Variants in NRL observed in about 807,000 individuals in gnomAD.
The protein encoded by NRL is neural retina-specific leucine zipper protein.
Under a neutral mutation model 12.5 loss-of-function variants are expected in NRL, and 16 were observed. The ratio of observed to expected loss-of-function variants is 1.28; its 90% CI spans 0.87 to 1.95. The LOEUF (loss-of-function observed/expected upper bound fraction) is 1.95, where lower values mean the gene tolerates loss of function less well. Ranked by LOEUF, NRL falls within the 30% of genes most tolerant of loss-of-function variation. The probability of loss-of-function intolerance (pLI) is 0.00; values close to 1 mark genes in which losing one functional copy is unlikely to be tolerated. For missense variants in NRL, 314 were observed against 325.8 expected, an observed-to-expected ratio of 0.96 and a Z score of 0.28; for synonymous variants, 142 against 150.9, an observed-to-expected ratio of 0.94 and a Z score of 0.43.
rs2036793290 is a variant in NRL, at chr14:24,094,903, T to G, written c.-27-12028A>C. The G allele has an allele frequency of 8.2e-6, 10 of 1,218,810 alleles. No homozygotes were observed. The highest frequency in any genetic ancestry group is 4.4e-4 in the Middle Eastern group (2 of 4,558). 75.5% of individuals were successfully genotyped at this position (1,218,810 alleles called of 1,614,324 possible). ...CCCCTAAAGAAGGTGGAAGGTTAAA[T>G]ATCCATTCCCGGCCTCTCCCGGACT... On this transcript the variant is annotated intron_variant, in intron 1 of 2. Transcript: ENST00000561028. The surrounding 1 kb of genome is among the most constrained non-coding windows in gnomAD (Gnocchi z 4.1).
intron 1 of NRL, among the ~76,000 whole-genome samples, chr14:24,098,875 G>A (rs1399291328): frequency 6.6e-6 from 1 of 152,232 alleles, no homozygotes; most frequent in East Asian, 1.9e-4. Flanking sequence ...AAAAATCCGT[G>A]TCCAAGAATA....
Position 24,087,582 on chromosome 14 carries a change from A to G in NRL, c.-27-4707T>C, listed in dbSNP as rs540115246. Among the ~76,000 whole-genome samples the G allele has an allele frequency of 2.0e-5, 3 of 152,316 alleles. 1 individual carries two copies. The highest frequency in any genetic ancestry group is 7.2e-5 in the African/African-American group (3 of 41,570). On this transcript the variant is annotated intron_variant, in intron 1 of 2. Coordinates refer to ENST00000561028, the MANE Select transcript of NRL (RefSeq NM_001354768.3). ...TGGTTCTCATTCCTACTTCTGGCTC[A>G]TGGTATCTAGATCTTCAGTAATAGA...
chr14:24,113,427 C>T (rs2037458169), intron 1 of NRL, among the ~76,000 whole-genome samples: 1 of 151,620 alleles, frequency 6.6e-6, no homozygotes, highest in Non-Finnish European at 1.5e-5. Flanking sequence ...CAGGTAAAAT[C>T]AATCAATAAA....
chr14:24,084,216 C>T (rs763039908), intron 1 of NRL, among the ~76,000 whole-genome samples: 3 of 152,208 alleles, frequency 2.0e-5, no homozygotes, highest in Non-Finnish European at 2.9e-5. Context: ...TGGAACCTGT[C>T]ACCCTTGAGA....
At chr14:24,091,119 C>G (rs368190071) in intron 1 of NRL, among the ~76,000 whole-genome samples, 91 of 138,730 alleles carry the variant, frequency 6.6e-4, no homozygotes, top group African/African-American at 2.1e-3. Context: ...CAGAAAAGGC[C>G]TGTGTGTGTG....
chr14:24,089,343 G>T (rs1237755680), intron 1 of NRL, among the ~76,000 whole-genome samples: 1 of 151,876 alleles, frequency 6.6e-6, no homozygotes, highest in African/African-American at 2.4e-5. Context: ...GAACTCCTGG[G>T]CTCAAGCTAT....
Position 24,082,357 on chromosome 14 carries a change from CCT to C in NRL, c.381+109_381+110del, listed in dbSNP as rs923419656. ...AAGGGACCTTCTCCCCTTCTCCTGCCCTCTGTCCCCTGTCCCAGTCCATAACC... is the reference window on the plus strand; with the variant it reads ...AAGGGACCTTCTCCCCTTCTCCTGCCCTGTCCCCTGTCCCAGTCCATAACC... On this transcript the variant is annotated intron_variant, in intron 2 of 2. Transcript: ENST00000561028. 4 of 1,368,992 alleles carry C rather than the reference CCT, an allele frequency of 2.9e-6. No homozygotes were observed. The Admixed American group carries it at 7.0e-5, about 24-fold the overall frequency. 84.8% of individuals were successfully genotyped at this position (1,368,992 alleles called of 1,614,324 possible).
chr14:24,103,312 C>G, intron 1 of NRL: 2 of 1,420,392 alleles, frequency 1.4e-6, no homozygotes, highest in Non-Finnish European at 2.0e-6. Flanking sequence ...CGTCCTCTCT[C>G]CCTTCCTGAG....
At position 24,094,619 on chromosome 14, in the gene NRL, G is replaced by C; in HGVS notation, c.-27-11744C>G. On this transcript the variant is annotated intron_variant, in intron 1 of 2. Coordinates refer to ENST00000561028, the MANE Select transcript of NRL (RefSeq NM_001354768.3). The surrounding 1 kb of genome is among the most constrained non-coding windows in gnomAD (Gnocchi z 4.1). ...CGTCTCTTGGGAGGGCAGCCGGCCG[G>C]TGCTCCTCGTTTCCGCCTGCACCTC... The C allele has an allele frequency of 1.4e-6, 2 of 1,468,990 alleles. No individual in the cohort carries two copies. The highest frequency in any genetic ancestry group is 1.8e-6 in the Non-Finnish European group (2 of 1,110,972). 91.0% of individuals were successfully genotyped at this position (1,468,990 alleles called of 1,614,324 possible). A position where few individuals can be genotyped will look rare whatever the true frequency, so the allele number is the denominator to read the frequency against.
In NRL at chr14:24,080,602, T is replaced by G. The variant is rs1445386764; in HGVS notation, c.*634A>C. On this transcript the variant is annotated 3_prime_UTR_variant, in exon 3 of 3. Coordinates refer to ENST00000561028, the MANE Select transcript of NRL (RefSeq NM_001354768.3). ...GGGGATCCCATGGAAGAGCTGGGAC[T>G]AGGACCCAGGTTTCCAGACTTCTGC... is the stretch of plus-strand genomic sequence containing the variant. The G allele has an allele frequency of 6.5e-6, 1 of 152,680 alleles. No homozygotes were observed. Among genetic ancestry groups the G allele is most frequent in the East Asian group, 1.9e-4 (1 of 5,196 alleles). 9.5% of individuals were successfully genotyped at this position (152,680 alleles called of 1,614,324 possible).
Position 24,081,772 on chromosome 14 carries a change from G to A in NRL, c.382-204C>T. The A allele has an allele frequency of 6.6e-7, 1 of 1,516,986 alleles. No individual in the cohort carries two copies. The highest frequency in any genetic ancestry group is 8.8e-7 in the Non-Finnish European group (1 of 1,137,234). 94.0% of individuals were successfully genotyped at this position (1,516,986 alleles called of 1,614,324 possible). A position where few individuals can be genotyped will look rare whatever the true frequency, so the allele number is the denominator to read the frequency against. On this transcript the variant is annotated intron_variant, in intron 2 of 2. Transcript: ENST00000561028. The surrounding 1 kb of genome is among the most constrained non-coding windows in gnomAD (Gnocchi z 4.4). ...TCCCCGGGCCCCCCAGCTGACCGTT[G>A]CTCCAGTCAGGCGGGCGCCCCACGG...
rs975462164 is a variant in NRL at position 24,085,667 on chromosome 14, T to A, written c.-27-2792A>T. On this transcript the variant is annotated intron_variant, in intron 1 of 2. Transcript: ENST00000561028. The surrounding 1 kb of genome is among the most constrained non-coding windows in gnomAD (Gnocchi z 4.1). ...GTTCCTCTTTCTCAACACAGAGGCC[T>A]GGGTGTCCATCAGACCCCAAAGGTC... Among the ~76,000 whole-genome samples the A allele has an allele frequency of 6.6e-6, 1 of 152,214 alleles. No individual in the cohort carries two copies. Among genetic ancestry groups the A allele is most frequent in the African/African-American group, 2.4e-5 (1 of 41,460 alleles).
intron 1 of NRL, among the ~76,000 whole-genome samples, chr14:24,111,267 C>T (rs1263683386): frequency 1.3e-5 from 2 of 152,254 alleles, no homozygotes; most frequent in Non-Finnish European, 2.9e-5. Context: ...TCGTAAGCCA[C>T]CGTGCCCAGC....
At chr14:24,098,536 C>T (rs894314715) in intron 1 of NRL, 3 of 1,614,186 alleles carry the variant, frequency 1.9e-6, no homozygotes, top group East Asian at 2.2e-5. Flanking sequence ...TGTCCCGCAT[C>T]GGGGTGCAGC....
At position 24,100,199 on chromosome 14, in the gene NRL, A is replaced by T. The variant is rs371156685; in HGVS notation, c.-28+14523T>A. The T allele has an allele frequency of 1.5e-5, 24 of 1,614,188 alleles. 1 individual carries two copies. The African/African-American group carries it at 1.7e-4, about 12-fold the overall frequency. On this transcript the variant is annotated intron_variant, in intron 1 of 2. Coordinates refer to ENST00000561028, the MANE Select transcript of NRL (RefSeq NM_001354768.3). ...GTTACTGTGACCTCCTGGCTGGGCA[A>T]ACCCTGGAAACCTGGTATGTGCGGT...
chr14:24,088,309 C>T (rs983834595), intron 1 of NRL, among the ~76,000 whole-genome samples: 18 of 152,262 alleles, frequency 1.2e-4, no homozygotes, highest in African/African-American at 3.9e-4. Context: ...GACTGGTTCA[C>T]ACATTCTGAG....
rs1181581526 is a variant in NRL at position 24,081,666 on chromosome 14, G to A, written c.382-98C>T. On this transcript the variant is annotated intron_variant, in intron 2 of 2. Transcript: ENST00000561028. This position sits in a 1 kb window ranked among gnomAD's most constrained non-coding sequence, Gnocchi z 4.4. ...CCTGGCTCCGCCCCGGGACAGCCCC[G>A]CCCCGGCTCCCACCTTCACCGGAAG... 2.6e-6 allele frequency: 4 copies of A among 1,530,060 alleles called. No individual in the cohort carries two copies. The South Asian group carries it at 4.8e-5, about 18-fold the overall frequency. The allele number at this position is 1,530,060 out of a possible 1,614,324, so 94.8% of individuals were successfully genotyped here.
intron 1 of NRL, among the ~76,000 whole-genome samples, chr14:24,091,490 A>G (rs1163642792): frequency 1.3e-5 from 2 of 152,194 alleles, no homozygotes; most frequent in African/African-American, 4.8e-5. Context: ...CATTAGATAA[A>G]TAGGAGTCAG....
intron 1 of NRL, among the ~76,000 whole-genome samples, chr14:24,107,502 C>T (rs1312391853): frequency 2.0e-5 from 3 of 151,896 alleles, no homozygotes; most frequent in African/African-American, 7.3e-5. Flanking sequence ...TCATAGCCAC[C>T]CCTTCCTGCC....
Sources: allele counts gnomAD v4.1 joint callset (sites outside exome capture counted in the v4.1 genomes callset), GRCh38; gene constraint gnomAD v4.1.1; non-coding constraint Gnocchi (gnomAD v3.1); transcripts MANE v1.5; gene names NCBI Gene and HGNC (gene_info 2026-07-23, HGNC 2026-07-21).